The following BCR variants were observed in gnomAD, a reference collection of about 807,000 sequenced individuals.
The protein encoded by BCR is BCR activator of RhoGEF and GTPase.
A neutral mutation model predicts 138.6 loss-of-function variants in BCR; 58 were observed. That is an observed-to-expected ratio of 0.42 (90% confidence interval 0.34 to 0.52). The LOEUF (loss-of-function observed/expected upper bound fraction) is 0.52, where lower values mean the gene tolerates loss of function less well. Ranked by LOEUF, BCR falls within the 20% of genes least tolerant of loss-of-function variation. The probability of loss-of-function intolerance (pLI) is 0.06; values close to 1 mark genes in which losing one functional copy is unlikely to be tolerated. For missense variants in BCR, 1,599 were observed against 1,727.2 expected, an observed-to-expected ratio of 0.93 and a Z score of 1.32; for synonymous variants, 786 against 730.1, an observed-to-expected ratio of 1.08 and a Z score of -1.23.
intron 10 of BCR, 25 bp from the exon 11 acceptor site, chr22:23,287,134 G>C: frequency 1.3e-6 from 2 of 1,570,946 alleles, no homozygotes; most frequent in East Asian, 4.7e-5. Context: ...GAATGGGAAG[G>C]TGAGGCTGTG....
At position 23,181,637 on chromosome 22, in the gene BCR, C is replaced by T. The variant is rs775014154; in HGVS notation, c.677C>T (p.Ala226Val). ...QHGAGSSVGDASRPPYRGRSS... is the reference protein window; with the variant it reads ...QHGAGSSVGDVSRPPYRGRSS... The stretch of plus-strand genomic sequence containing the variant: ...GGCGCGGGCTCGAGCGTGGGGGATG[C>T]ATCCAGGCCCCCTTACCGGGGACGC... The change falls in exon 1 of 23, where the codon GCA (alanine) becomes GTA (valine). Residue 226 changes from alanine to valine, a missense_variant. Coordinates refer to ENST00000305877, the MANE Select transcript of BCR (RefSeq NM_004327.4). 69 of 1,610,276 alleles carry T rather than the reference C, an allele frequency of 4.3e-5. No homozygotes were observed. The South Asian group carries it at 5.6e-4, about 13-fold the overall frequency.
chr22:23,220,808 AG>A (rs1238761323), intron 1 of BCR, among the ~76,000 whole-genome samples: 3 of 152,158 alleles, frequency 2.0e-5, no homozygotes, highest in Non-Finnish European at 4.4e-5. Context: ...GATGCATCAG[AG>A]AGAGCAGCCA....
intron 1 of BCR, among the ~76,000 whole-genome samples, chr22:23,224,404 G>C (rs2072864247): frequency 6.6e-6 from 1 of 152,296 alleles, no homozygotes; most frequent in East Asian, 1.9e-4. Flanking sequence ...GCCTCCAGGA[G>C]AGTCAAACTG....
chr22:23,198,501 C>G (rs1346482242), intron 1 of BCR: 1 of 273,656 alleles, frequency 3.7e-6, no homozygotes, highest in Non-Finnish European at 7.3e-6. Flanking sequence ...GTCCATGGGC[C>G]TGACATGTTG....
intron 1 of BCR, among the ~76,000 whole-genome samples, chr22:23,245,862 G>C (rs910285521): frequency 1.7e-4 from 26 of 151,722 alleles, no homozygotes; most frequent in African/African-American, 6.3e-4. Flanking sequence ...TCATTTTAAA[G>C]TGAACAATTC....
intron 1 of BCR, among the ~76,000 whole-genome samples, chr22:23,214,743 G>A (rs940681777): frequency 1.3e-5 from 2 of 152,204 alleles, no homozygotes; most frequent in Admixed American, 6.5e-5. Context: ...AGCGTGCATT[G>A]TCCAAACCTG....
Position 23,181,323 on chromosome 22 carries a change from T to A in BCR, c.363T>A (p.Gly121=), listed in dbSNP as rs1015944974. ...EEPEARPDGE[G]SPGKARPGTA... ...CCGAGGCCCGGCCCGACGGCGAGGG[T>A]TCTCCGGGTAAGGCCAGGCCCGGGA... Residue 121 remains glycine (G), a synonymous_variant, in exon 1 of 23, where the codon GGT becomes GGA. Coordinates refer to ENST00000305877, the MANE Select transcript of BCR (RefSeq NM_004327.4). 3.3e-5 allele frequency: 46 copies of A among 1,394,502 alleles called. No homozygotes were observed. The highest frequency in any genetic ancestry group is 2.7e-4 in the South Asian group (17 of 62,104). The allele number at this position is 1,394,502 out of a possible 1,614,324, so 86.4% of individuals were successfully genotyped here. A position where few individuals can be genotyped will look rare whatever the true frequency, so the allele number is the denominator to read the frequency against.
At position 23,310,356 on chromosome 22, in the gene BCR, C is replaced by T. The variant is rs2073993918; in HGVS notation, c.3105C>T (p.Ser1035=). The T allele has an allele frequency of 1.4e-6, 2 of 1,458,734 alleles. No homozygotes were observed. The highest frequency in any genetic ancestry group is 1.1e-5 in the South Asian group (1 of 88,064). 90.4% of individuals were successfully genotyped at this position (1,458,734 alleles called of 1,614,324 possible). The part of the protein sequence containing the change: ...IEVKLSVKFN[S]REFSLKRMPS... ...TAAAGCTCTCGGTCAAGTTCAACAG[C>T]AGGGAGTTCAGCTTGAAGAGGATGC... Residue 1035 remains serine, a synonymous_variant, in exon 18 of 23, where the codon AGC becomes AGT. Transcript: ENST00000305877.
At chr22:23,225,184 T>TG (rs1468620036) in intron 1 of BCR, among the ~76,000 whole-genome samples, 9 of 146,630 alleles carry the variant, frequency 6.1e-5, no homozygotes, top group Admixed American at 2.7e-4. Context: ...TTGACTGGTC[T>TG]GTGGTGCTTT....
chr22:23,287,522 G>C (rs1169273118), intron 11 of BCR, among the ~76,000 whole-genome samples: 1 of 152,234 alleles, frequency 6.6e-6, no homozygotes, highest in Non-Finnish European at 1.5e-5. Context: ...TATAGGGCAG[G>C]GGAGCCTAGC....
chr22:23,224,120 G>A (rs558204395), intron 1 of BCR, among the ~76,000 whole-genome samples: 11 of 152,220 alleles, frequency 7.2e-5, no homozygotes, highest in African/African-American at 2.2e-4. Context: ...AGGCTCGGGC[G>A]CAGATCTCTC....
chr22:23,259,900 A>G (rs1162644889), intron 2 of BCR, among the ~76,000 whole-genome samples: 1 of 152,092 alleles, frequency 6.6e-6, no homozygotes, highest in Non-Finnish European at 1.5e-5. Flanking sequence ...AGATGGGAGG[A>G]TGACTTGAGC....
intron 8 of BCR, among the ~76,000 whole-genome samples, chr22:23,277,442 G>C (rs1329105430): frequency 6.6e-6 from 1 of 152,148 alleles, no homozygotes; most frequent in Non-Finnish European, 1.5e-5. Flanking sequence ...CCCTCCTCTT[G>C]TTCCTGCACT....
chr22:23,228,386 A>G (rs148799691), intron 1 of BCR, among the ~76,000 whole-genome samples: 5 of 152,170 alleles, frequency 3.3e-5, no homozygotes, highest in African/African-American at 7.2e-5. Flanking sequence ...TTTCATTTCT[A>G]AGTATTTGGA....
At chr22:23,243,278 G>T (rs1022308543) in intron 1 of BCR, among the ~76,000 whole-genome samples, 1 of 152,230 alleles carries the variant, frequency 6.6e-6, no homozygotes, top group South Asian at 2.1e-4. Flanking sequence ...TGATTAGAGG[G>T]TTGGAACTTT....
rs562122709 is a variant in BCR, at chr22:23,245,429, C to T, written c.1280-8370C>T. Among the ~76,000 whole-genome samples, 53 of 152,208 alleles carry T rather than the reference C, an allele frequency of 3.5e-4. 2 individuals carry two copies. Among genetic ancestry groups the T allele is most frequent in the African/African-American group, 1.2e-3 (48 of 41,530 alleles). ...GCCTGGTGATGTCATTGTTGGGGTA[C>T]GGCATGAGGGCTGGGAGGCCACAGG... On this transcript the variant is annotated intron_variant, in intron 1 of 22. Coordinates refer to ENST00000305877, the MANE Select transcript of BCR (RefSeq NM_004327.4).
In BCR at chr22:23,181,283, C is replaced by G. The variant is rs900620527; in HGVS notation, c.323C>G (p.Pro108Arg). The change falls in exon 1 of 23, where the codon CCG becomes CGG. Residue 108 changes from proline (P) to arginine (R), a missense_variant. Around this residue, in one of 4 missense-constraint regions of BCR, gnomAD observed 806 missense variants for 635.0 expected, o/e 1.27. Transcript: ENST00000305877. ...QPAPADGADP[P>R]PAEEPEARPD... is the part of the protein sequence containing the mutation. ...GCGCCCGCCGACGGAGCCGACCCGC[C>G]GCCCGCCGAGGAGCCCGAGGCCCGG... is the stretch of plus-strand genomic sequence containing the variant. 6.9e-6 allele frequency: 9 copies of G among 1,298,976 alleles called. No individual in the cohort carries two copies. Among genetic ancestry groups the G allele is most frequent in the Non-Finnish European group, 5.9e-6 (6 of 1,018,134 alleles). 80.5% of individuals were successfully genotyped at this position (1,298,976 alleles called of 1,614,324 possible). A position where few individuals can be genotyped will look rare whatever the true frequency, so the allele number is the denominator to read the frequency against.
rs142798475 is a variant in BCR at position 23,247,607 on chromosome 22, C to T, written c.1280-6192C>T. Among the ~76,000 whole-genome samples the T allele has an allele frequency of 2.3e-3, 348 of 152,314 alleles. 3 individuals carry two copies. The highest frequency in any genetic ancestry group is 8.0e-3 in the African/African-American group (332 of 41,572). ...GCTGGGTTCCTGGAACCCCACACCTCTGGCAGCCACACCACGGATGGAGGA... is the reference window on the plus strand; with the variant it reads ...GCTGGGTTCCTGGAACCCCACACCTTTGGCAGCCACACCACGGATGGAGGA... On this transcript the variant is annotated intron_variant, in intron 1 of 22. Transcript: ENST00000305877.
At chr22:23,216,328 A>G (rs1030256810) in intron 1 of BCR, among the ~76,000 whole-genome samples, 1 of 152,200 alleles carries the variant, frequency 6.6e-6, no homozygotes, top group Non-Finnish European at 1.5e-5. Flanking sequence ...CAGTAATTCC[A>G]CCCTAGGGCA....
Sources: allele counts gnomAD v4.1 joint callset (sites outside exome capture counted in the v4.1 genomes callset), GRCh38; gene constraint gnomAD v4.1.1; regional missense constraint gnomAD v4.1.1; transcripts MANE v1.5; gene names NCBI Gene and HGNC (gene_info 2026-07-23, HGNC 2026-07-21).